The following RNF128 variants were observed in gnomAD, a reference collection of about 807,000 sequenced individuals.
The protein encoded by RNF128 is ring finger protein 128.
RNF128 carries 13 observed loss-of-function variants against 26.2 expected under a neutral mutation model. That is an observed-to-expected ratio of 0.50 (90% CI 0.32 to 0.79). The LOEUF (loss-of-function observed/expected upper bound fraction) is 0.79. Ranked by LOEUF, RNF128 falls within the 30% of genes least tolerant of loss-of-function variation. The pLI, the probability that RNF128 is intolerant of heterozygous loss-of-function variation, is 0.03. For synonymous variants in RNF128, 149 were observed against 142.5 expected, an observed-to-expected ratio of 1.05 and a Z score of -0.32; for missense variants, 315 against 349.7, an observed-to-expected ratio of 0.90 and a Z score of 0.79.
intron 1 of RNF128, among the ~76,000 whole-genome samples, chrX:106,738,137 A>C (rs1929631975): frequency 8.9e-6 from 1 of 111,936 alleles, no homozygotes; most frequent in Non-Finnish European, 1.9e-5. Context: ...GCATATTGCA[A>C]TGGAAGCAGG....
chrX:106,788,421 A>G, intron 4 of RNF128, among the ~76,000 whole-genome samples: 1 of 46,093 alleles, frequency 2.2e-5, no homozygotes, highest in Admixed American at 4.3e-4. Context: ...AATATATAAT[A>G]TATATTATAT....
At chrX:106,770,075 G>A (rs746501150) in intron 1 of RNF128, among the ~76,000 whole-genome samples, 1 of 111,704 alleles carries the variant, frequency 9.0e-6, no homozygotes, top group Admixed American at 9.5e-5. Context: ...TATTGGCCCC[G>A]ACTCTCTTCT....
intron 1 of RNF128, among the ~76,000 whole-genome samples, chrX:106,752,953 C>T (rs973521472): frequency 1.8e-5 from 2 of 111,026 alleles, no homozygotes; most frequent in Non-Finnish European, 3.8e-5. Context: ...AACAGCAGAA[C>T]TGATCAAGCA....
chrX:106,790,225 A>G lies in RNF128; in HGVS notation c.927A>G (p.Leu309=), dbSNP rs999480339. ...FHKTCVDPWL[L]EHRTCPMCKC... is the part of the protein sequence containing the mutation. ...AGACATGTGTTGACCCATGGCTGTT[A>G]GAACACAGGACTTGCCCCATGTGCA... The change falls in exon 5 of 7, where the codon TTA becomes TTG. Residue 309 remains leucine (L), a synonymous_variant. Transcript: ENST00000255499. 2 of 1,202,228 alleles carry G rather than the reference A, an allele frequency of 1.7e-6. No individual in the cohort carries two copies. Among genetic ancestry groups the G allele is most frequent in the African/African-American group, 1.8e-5 (1 of 56,752 alleles).
At chrX:106,773,545 A>G (rs1460677480) in intron 2 of RNF128, among the ~76,000 whole-genome samples, 1 of 111,544 alleles carries the variant, frequency 9.0e-6, no homozygotes, top group East Asian at 2.8e-4. Context: ...TGATATAGCA[A>G]TATAACTATA....
chrX:106,757,419 T>G, intron 1 of RNF128, among the ~76,000 whole-genome samples: 1 of 73,288 alleles, frequency 1.4e-5, no homozygotes, highest in African/African-American at 5.2e-5. Context: ...AAATGATGAG[T>G]TCACGTCCTT....
chrX:106,730,109 T>C (rs1221317651), intron 1 of RNF128, among the ~76,000 whole-genome samples: 2 of 112,368 alleles, frequency 1.8e-5, no homozygotes, highest in Non-Finnish European at 3.8e-5. Flanking sequence ...AGTGTCTATA[T>C]TCCCACCTAA....
intron 1 of RNF128, among the ~76,000 whole-genome samples, chrX:106,742,780 T>C (rs1356345888): frequency 9.0e-6 from 1 of 111,219 alleles, no homozygotes. Flanking sequence ...TCTACCTCCA[T>C]GCACTTCAGG....
At position 106,726,927 on chromosome X, in the gene RNF128, C is replaced by G; in HGVS notation, c.14C>G (p.Pro5Arg). The G allele has an allele frequency of 8.5e-7, 1 of 1,176,500 alleles. No homozygotes were observed. The highest frequency in any genetic ancestry group is 3.1e-5 in the East Asian group (1 of 32,017). ...AGCGCGCGCGCCATGGGGCCGCCGC[C>G]TGGGGCCGGGGTCTCCTGCCGCGGT... MGPP[P>R]GAGVSCRGGC... The change falls in exon 1 of 7, where the codon CCT becomes CGT. Residue 5 changes from proline to arginine, a missense_variant. Transcript: ENST00000255499.
intron 1 of RNF128, among the ~76,000 whole-genome samples, chrX:106,742,473 G>C (rs1038258621): frequency 1.8e-5 from 2 of 111,330 alleles, no homozygotes; most frequent in Non-Finnish European, 3.8e-5. Flanking sequence ...TGAAGGAATG[G>C]GGCCCAGAGA....
Position 106,726,846 on chromosome X carries a change from C to G in RNF128, c.-68C>G, listed in dbSNP as rs1439333151. On this transcript the variant is annotated 5_prime_UTR_variant, in exon 1 of 7. Coordinates refer to ENST00000255499, the MANE Select transcript of RNF128 (RefSeq NM_194463.2). ...CCACCTGGCGCGCACCTGCTCAAGA[C>G]CAGGGTCCTGCCAAGCGCTAGGAGG... is the stretch of plus-strand genomic sequence containing the variant. 7.2e-6 allele frequency: 8 copies of G among 1,107,394 alleles called. No individual in the cohort carries two copies. In the South Asian group the frequency reaches 1.6e-4, roughly 22 times the overall value. The allele number at this position is 1,107,394 out of a possible 1,213,427, so 91.3% of individuals were successfully genotyped here.
chrX:106,732,270 T>TATAGG (rs765404711), intron 1 of RNF128, among the ~76,000 whole-genome samples: 2 of 112,154 alleles, frequency 1.8e-5, no homozygotes. Flanking sequence ...CAAAGTATAG[T>TATAGG]AATCTCTTTT....
intron 1 of RNF128, among the ~76,000 whole-genome samples, chrX:106,717,719 T>C (rs1929242404): frequency 8.9e-6 from 1 of 112,309 alleles, no homozygotes; most frequent in South Asian, 3.7e-4. Context: ...AATTTTATGT[T>C]AGAAATCCCA....
intron 1 of RNF128, among the ~76,000 whole-genome samples, chrX:106,697,368 A>G (rs1404664850): frequency 9.0e-6 from 1 of 111,543 alleles, no homozygotes. Context: ...TTGATCCATC[A>G]TAGTCACAGA....
intron 1 of RNF128, among the ~76,000 whole-genome samples, chrX:106,733,080 A>G (rs1414300511): frequency 9.0e-6 from 1 of 111,450 alleles, no homozygotes; most frequent in African/African-American, 3.3e-5. Context: ...GATACAGTAT[A>G]ACAACTATTT....
At chrX:106,766,195 T>A (rs760076748) in intron 1 of RNF128, among the ~76,000 whole-genome samples, 2 of 112,222 alleles carry the variant, frequency 1.8e-5, no homozygotes, top group East Asian at 5.6e-4. Flanking sequence ...TGTGTCTTTA[T>A]AGCAGCATGA....
intron 2 of RNF128, 98 bp from the exon 3 acceptor site, chrX:106,784,967 C>T: frequency 1.7e-6 from 1 of 601,868 alleles, no homozygotes; most frequent in South Asian, 3.7e-5. Flanking sequence ...TGTACATTGA[C>T]TTTTACCTGA....
chrX:106,787,938 T>C lies in RNF128; in HGVS notation c.825T>C (p.Asp275=), dbSNP rs374571146. 2.1e-4 allele frequency: 245 copies of C among 1,189,888 alleles called. 2 individuals are homozygous for C. In the South Asian group the frequency reaches 4.2e-3, roughly 20 times the overall value. The change falls in exon 4 of 7, where the codon GAT becomes GAC. Residue 275 remains aspartate (D), a synonymous_variant. Coordinates refer to ENST00000255499, the MANE Select transcript of RNF128 (RefSeq NM_194463.2). ...TGTAGGAAATTGGCCCTGATGGAGA[T>C]AGTTGTGCTGTGTGCATTGAATTGT... ...QGDKEIGPDG[D]SCAVCIELYK... is the part of the protein sequence containing the mutation.
At chrX:106,753,314 ATAAAGT>A (rs928600721) in intron 1 of RNF128, among the ~76,000 whole-genome samples, 2 of 111,401 alleles carry the variant, frequency 1.8e-5, no homozygotes, top group African/African-American at 6.6e-5. Flanking sequence ...CATGGAGGGG[ATAAAGT>A]TAAAGTATAG....
Sources: allele counts gnomAD v4.1 joint callset (sites outside exome capture counted in the v4.1 genomes callset), GRCh38; gene constraint gnomAD v4.1.1; transcripts MANE v1.5; gene names NCBI Gene and HGNC (gene_info 2026-07-23, HGNC 2026-07-21).